UBASH3A: variants seen among roughly 807,000 people sequenced by gnomAD.
UBASH3A encodes the protein ubiquitin associated and SH3 domain containing A, also known as ubiquitin-associated and SH3 domain-containing protein A.
In UBASH3A, 63 loss-of-function variants were observed where a neutral mutation model predicts 73.5. The ratio of observed to expected loss-of-function variants is 0.86; its 90% CI spans 0.70 to 1.06. The LOEUF (loss-of-function observed/expected upper bound fraction) is 1.06, where lower values mean the gene tolerates loss of function less well. UBASH3A is among the 50% of genes least tolerant of loss of function. The pLI, the probability that UBASH3A is intolerant of heterozygous loss-of-function variation, is 0.00. For missense variants in UBASH3A, 860 were observed against 859.0 expected (o/e 1.00, Z -0.02); for synonymous variants, 363 against 351.1 (o/e 1.03, Z -0.38).
intron 5 of UBASH3A, among the ~76,000 whole-genome samples, chr21:42,414,095 A>G (rs1304625524): frequency 6.6e-6 from 1 of 152,170 alleles, no homozygotes; most frequent in Non-Finnish European, 1.5e-5. Context: ...CCATCCTGCC[A>G]TAGTTCCCGG....
At chr21:42,431,315 G>C (rs2053524573) in intron 8 of UBASH3A, among the ~76,000 whole-genome samples, 1 of 152,164 alleles carries the variant, frequency 6.6e-6, no homozygotes, top group Non-Finnish European at 1.5e-5. Flanking sequence ...CATGACCTTT[G>C]GGCTACTTCC....
intron 11 of UBASH3A, among the ~76,000 whole-genome samples, chr21:42,438,634 G>A (rs1297830839): frequency 2.0e-5 from 3 of 152,160 alleles, no homozygotes; most frequent in Non-Finnish European, 4.4e-5. Flanking sequence ...AGGGCATAGT[G>A]AGGGGGTGAC....
intron 14 of UBASH3A, among the ~76,000 whole-genome samples, chr21:42,446,548 G>T (rs1015287702): frequency 2.2e-4 from 34 of 152,222 alleles, no homozygotes; most frequent in African/African-American, 6.0e-4. Context: ...AAACAAAAAA[G>T]GCTTCACCAC....
At chr21:42,444,795 T>A (rs991786334) in intron 14 of UBASH3A, 152 bp downstream of exon 14, 1 of 668,936 alleles carries the variant, frequency 1.5e-6, no homozygotes, top group Non-Finnish European at 2.6e-6. Flanking sequence ...CCACCGGCTC[T>A]TATGCGAAGG....
chr21:42,420,797 TAA>T (rs2053324008), intron 7 of UBASH3A, among the ~76,000 whole-genome samples: 1 of 152,236 alleles, frequency 6.6e-6, no homozygotes, highest in African/African-American at 2.4e-5. Context: ...TCCAACTGCA[TAA>T]GTCAGACCTG....
intron 9 of UBASH3A, 110 bp downstream of exon 9, chr21:42,432,312 T>C: frequency 1.4e-6 from 1 of 701,906 alleles, no homozygotes; most frequent in Non-Finnish European, 2.4e-6. Context: ...CACCATTCTG[T>C]AGAATGACCA....
intron 3 of UBASH3A, among the ~76,000 whole-genome samples, chr21:42,411,497 A>G (rs556047045): frequency 1.0e-4 from 15 of 150,144 alleles, no homozygotes; most frequent in Non-Finnish European, 2.1e-4. Context: ...ACACATGCAT[A>G]CACACAGACA....
intron 7 of UBASH3A, among the ~76,000 whole-genome samples, chr21:42,421,282 G>A (rs903552297): frequency 6.6e-6 from 1 of 152,186 alleles, no homozygotes; most frequent in East Asian, 1.9e-4. Flanking sequence ...TGATGAGAGT[G>A]GGAGGAGAAG....
chr21:42,427,123 C>T (rs1265558584), intron 8 of UBASH3A, among the ~76,000 whole-genome samples: 1 of 152,134 alleles, frequency 6.6e-6, no homozygotes, highest in East Asian at 1.9e-4. Context: ...CCAAGAGGTC[C>T]CCAAGACGTC....
chr21:42,436,011 A>ATAGAGTTAGAGTTATAGAGTCATAGAGT lies in UBASH3A; in HGVS notation c.1393+1065_1393+1066insGAGTTATAGAGTCATAGAGTTAGAGTTA, dbSNP rs1201791045. On this transcript the variant is annotated intron_variant, in intron 10 of 14. Transcript: ENST00000319294. ...TATAGAGTTATAGAGTCATAGAGTT[A>ATAGAGTTAGAGTTATAGAGTCATAGAGT]TAGAGTTATAGAGTCATAAAATTAT... 4.7e-3 allele frequency among the ~76,000 whole-genome samples: 713 copies of ATAGAGTTAGAGTTATAGAGTCATAGAGT among 150,402 alleles called. 8 individuals carry two copies. The highest frequency in any genetic ancestry group is 0.016 in the African/African-American group (658 of 40,632).
At chr21:42,427,296 G>A (rs538564024) in intron 8 of UBASH3A, among the ~76,000 whole-genome samples, 2 of 152,246 alleles carry the variant, frequency 1.3e-5, no homozygotes, top group African/African-American at 4.8e-5. Flanking sequence ...GGACACCAAG[G>A]AGCAGGCAGC....
intron 2 of UBASH3A, among the ~76,000 whole-genome samples, chr21:42,407,516 C>CA (rs750164676): frequency 7.9e-5 from 12 of 152,164 alleles, no homozygotes; most frequent in Non-Finnish European, 1.6e-4. Flanking sequence ...GGAACCCCAC[C>CA]AAAAAATAGG....
chr21:42,447,405 G>A lies in UBASH3A; in HGVS notation c.*211G>A, dbSNP rs1034280820. On this transcript the variant is annotated 3_prime_UTR_variant, in exon 15 of 15. Coordinates refer to ENST00000319294, the MANE Select transcript of UBASH3A (RefSeq NM_018961.4). ...ACCCATCGTCCACCAGCCCAGCTGC[G>A]GGGAGCACAGGGCAGGTGGCTGGGT... The A allele has an allele frequency of 4.4e-5, 23 of 526,582 alleles. No individual in the cohort carries two copies. Among genetic ancestry groups the A allele is most frequent in the Admixed American group, 1.9e-4 (5 of 26,602 alleles). The allele number at this position is 526,582 out of a possible 1,614,324, so 32.6% of individuals were successfully genotyped here. A position where few individuals can be genotyped will look rare whatever the true frequency, so the allele number is the denominator to read the frequency against.
intron 14 of UBASH3A, among the ~76,000 whole-genome samples, chr21:42,446,020 T>TAC (rs2146617841): frequency 6.6e-6 from 1 of 152,256 alleles, no homozygotes; most frequent in African/African-American, 2.4e-5. Flanking sequence ...CAGTCCCATA[T>TAC]ACACATACCA....
At position 42,416,475 on chromosome 21, in the gene UBASH3A, A is replaced by G; in HGVS notation, c.701A>G (p.His234Arg). The G allele has an allele frequency of 6.2e-7, 1 of 1,600,530 alleles. No homozygotes were observed. Among genetic ancestry groups the G allele is most frequent in the Non-Finnish European group, 8.5e-7 (1 of 1,173,940 alleles). The change falls in exon 6 of 15, where the codon CAT (histidine) becomes CGT (arginine). Residue 234 changes from histidine (H) to arginine (R), a missense_variant. By Grantham distance (29) the His-to-Arg change is conservative. Transcript: ENST00000319294. ...GTGAAGCCTTGCACCAAACAGCTGC[A>G]TCTGACCTTGGCCCACAAGTTCTAC... ...CSVKPCTKQL[H>R]LTLAHKFYPH... is the part of the protein sequence containing the mutation.
At chr21:42,437,616 T>G in intron 11 of UBASH3A, 36 bp downstream of exon 11, 1 of 1,579,308 alleles carries the variant, frequency 6.3e-7, no homozygotes, top group South Asian at 1.1e-5. Flanking sequence ...TCCTACTGCC[T>G]TGACCTTGGG....
At chr21:42,425,250 C>A (rs999469563) in intron 7 of UBASH3A, among the ~76,000 whole-genome samples, 2 of 152,342 alleles carry the variant, frequency 1.3e-5, no homozygotes, top group African/African-American at 4.8e-5. Flanking sequence ...TCTTTTCTTT[C>A]TCCTTCCGTC....
chr21:42,410,388 A>G, intron 3 of UBASH3A: 1 of 556,242 alleles, frequency 1.8e-6, no homozygotes, highest in Non-Finnish European at 3.2e-6. Context: ...ATTTCAAGGA[A>G]TTCCATCAGG....
chr21:42,428,572 G>C (rs2053478382), intron 8 of UBASH3A, among the ~76,000 whole-genome samples: 1 of 152,042 alleles, frequency 6.6e-6, no homozygotes, highest in South Asian at 2.1e-4. Context: ...ATCATCTGGA[G>C]TAAAACAGAG....
Sources: allele counts gnomAD v4.1 joint callset (sites outside exome capture counted in the v4.1 genomes callset), GRCh38; gene constraint gnomAD v4.1.1; transcripts MANE v1.5; gene names NCBI Gene and HGNC (gene_info 2026-07-23, HGNC 2026-07-21).